Variants in ROBO1 observed in about 807,000 individuals in gnomAD.
ROBO1 encodes the protein roundabout homolog 1.
Under a neutral mutation model 195.9 loss-of-function variants are expected in ROBO1, and 149 were observed. The observed-to-expected ratio is 0.76, with a 90% CI of 0.67 to 0.87. ROBO1 has a LOEUF of 0.87. Ranked by LOEUF, ROBO1 falls within the 40% of genes least tolerant of loss-of-function variation. The pLI, the probability that ROBO1 is intolerant of heterozygous loss-of-function variation, is 0.00. For synonymous variants in ROBO1, 816 were observed against 733.2 expected, an observed-to-expected ratio of 1.11 and a Z score of -1.82; for missense variants, 1,933 against 2,068.3, an observed-to-expected ratio of 0.93 and a Z score of 1.27.
chr3:78,999,372 A>G (rs1159471597), intron 3 of ROBO1, among the ~76,000 whole-genome samples: 2 of 152,152 alleles, frequency 1.3e-5, no homozygotes, highest in Non-Finnish European at 2.9e-5. Context: ...ATAAAGAAGC[A>G]TGAAATCATG....
intron 1 of ROBO1, among the ~76,000 whole-genome samples, chr3:79,658,098 T>C (rs1031928591): frequency 6.6e-6 from 1 of 152,052 alleles, no homozygotes; most frequent in Non-Finnish European, 1.5e-5. Context: ...CATTCAACCA[T>C]TGCAATTTAC....
chr3:79,728,211 A>T (rs2107336897), intron 1 of ROBO1, among the ~76,000 whole-genome samples: 1 of 151,806 alleles, frequency 6.6e-6, no homozygotes, highest in South Asian at 2.1e-4. Flanking sequence ...TGTTCCTAGT[A>T]CTCCACTCTC....
chr3:79,007,046 C>A (rs953025765), intron 3 of ROBO1, among the ~76,000 whole-genome samples: 1 of 151,988 alleles, frequency 6.6e-6, no homozygotes, highest in African/African-American at 2.4e-5. Flanking sequence ...TTTAGAAAAA[C>A]ACTGGCTAAT....
At chr3:79,728,491 G>A (rs960254865) in intron 1 of ROBO1, among the ~76,000 whole-genome samples, 18 of 152,212 alleles carry the variant, frequency 1.2e-4, no homozygotes, top group African/African-American at 4.3e-4. Context: ...AACCTTGACT[G>A]ACAATAAGTA....
At chr3:79,389,107 G>A (rs12492191) in intron 2 of ROBO1, among the ~76,000 whole-genome samples, 50,442 of 151,680 alleles carry the variant, frequency 0.33, 9,867 homozygotes, top group Admixed American at 0.48. Context: ...AGATTTCTTC[G>A]AATATAACTT....
At chr3:78,654,885 C>T (rs1465338567) in intron 18 of ROBO1, among the ~76,000 whole-genome samples, 1 of 152,136 alleles carries the variant, frequency 6.6e-6, no homozygotes, top group East Asian at 1.9e-4. Flanking sequence ...TATATAGAGT[C>T]ATCACAGTGT....
chr3:79,195,949 A>G (rs1421970995), intron 2 of ROBO1, among the ~76,000 whole-genome samples: 1 of 151,632 alleles, frequency 6.6e-6, no homozygotes, highest in Non-Finnish European at 1.5e-5. Flanking sequence ...AATATTAAAC[A>G]GGTTGTTAGT....
At chr3:79,169,905 A>G (rs780828071) in intron 2 of ROBO1, among the ~76,000 whole-genome samples, 4 of 152,206 alleles carry the variant, frequency 2.6e-5, no homozygotes, top group Non-Finnish European at 5.9e-5. Context: ...CTTAACTTAA[A>G]GAGGTAAATT....
intron 21 of ROBO1, among the ~76,000 whole-genome samples, chr3:78,642,477 A>G (rs1706028679): frequency 6.6e-6 from 1 of 152,182 alleles, no homozygotes; most frequent in Non-Finnish European, 1.5e-5. Flanking sequence ...AGAATTGCCA[A>G]TATTTTAAAG....
At chr3:78,999,384 T>C (rs1198397125) in intron 3 of ROBO1, among the ~76,000 whole-genome samples, 3 of 152,132 alleles carry the variant, frequency 2.0e-5, no homozygotes, top group African/African-American at 7.2e-5. Context: ...GAAATCATGT[T>C]CTTTGCAGCA....
chr3:79,510,313 C>T (rs781706296), intron 2 of ROBO1, among the ~76,000 whole-genome samples: 5 of 152,122 alleles, frequency 3.3e-5, no homozygotes, highest in East Asian at 1.9e-4. Flanking sequence ...CCCCTTTACT[C>T]GGCACCCATT....
rs200960975 is a variant in ROBO1, at chr3:79,095,729, TTCTC to T, written c.172+29723_172+29726del. On this transcript the variant is annotated intron_variant, in intron 3 of 30. Transcript: ENST00000464233. ...ATGTACTTCTGTTGTACAAGATGAG[TTCTC>T]TCTCTTACTTTTTTTTCTGTCTTGC... Among the ~76,000 whole-genome samples, 1,197 of 152,150 alleles carry T rather than the reference TTCTC, an allele frequency of 7.9e-3. 19 individuals carry two copies. The highest frequency in any genetic ancestry group is 0.027 in the African/African-American group (1,129 of 41,540).
intron 3 of ROBO1, among the ~76,000 whole-genome samples, chr3:79,015,380 G>GA (rs566638053): frequency 6.5e-4 from 45 of 69,318 alleles, no homozygotes; most frequent in African/African-American, 2.3e-3. Flanking sequence ...CCTCCCCCAC[G>GA]CCCCCCCCCA....
At chr3:78,694,348 C>T (rs964084820) in intron 8 of ROBO1, among the ~76,000 whole-genome samples, 1 of 152,010 alleles carries the variant, frequency 6.6e-6, no homozygotes, top group African/African-American at 2.4e-5. Flanking sequence ...ATTAATTAGA[C>T]CTGATACACA....
At chr3:79,577,502 G>T (rs1943524431) in intron 2 of ROBO1, among the ~76,000 whole-genome samples, 1 of 152,034 alleles carries the variant, frequency 6.6e-6, no homozygotes, top group African/African-American at 2.4e-5. Flanking sequence ...GGCAATGTAA[G>T]GAGGATAAAG....
At chr3:79,610,981 A>C (rs1400768873) in intron 1 of ROBO1, among the ~76,000 whole-genome samples, 2 of 152,030 alleles carry the variant, frequency 1.3e-5, no homozygotes, top group Non-Finnish European at 2.9e-5. Context: ...CTGCACAGTG[A>C]TTGGCTTATT....
chr3:79,065,228 A>G (rs912772276), intron 3 of ROBO1, among the ~76,000 whole-genome samples: 2 of 152,018 alleles, frequency 1.3e-5, no homozygotes, highest in Admixed American at 6.6e-5. Context: ...AGAAGAGGCA[A>G]CTGTGTGTGG....
intron 2 of ROBO1, among the ~76,000 whole-genome samples, chr3:79,128,298 T>C (rs578123077): frequency 6.6e-6 from 1 of 152,124 alleles, no homozygotes; most frequent in Non-Finnish European, 1.5e-5. Flanking sequence ...AAACACACTG[T>C]CACTAGAGGT....
chr3:79,229,222 G>C (rs917579024), intron 2 of ROBO1, among the ~76,000 whole-genome samples: 1 of 151,964 alleles, frequency 6.6e-6, no homozygotes, highest in Non-Finnish European at 1.5e-5. Flanking sequence ...ATAATGTTTG[G>C]TAGACAATTC....
Sources: allele counts gnomAD v4.1 joint callset (sites outside exome capture counted in the v4.1 genomes callset), GRCh38; gene constraint gnomAD v4.1.1; transcripts MANE v1.5; gene names NCBI Gene and HGNC (gene_info 2026-07-23, HGNC 2026-07-21).